ADAM23: variants seen among roughly 807,000 people sequenced by gnomAD.
ADAM23 encodes the protein disintegrin and metalloproteinase domain-containing protein 23.
A neutral mutation model predicts 120.1 loss-of-function variants in ADAM23; 33 were observed. That is an observed-to-expected ratio of 0.27 (90% CI 0.21 to 0.37). ADAM23 has a LOEUF of 0.37. ADAM23 is among the 10% of genes least tolerant of loss of function. The pLI, the probability that ADAM23 is intolerant of heterozygous loss-of-function variation, is 1.00. For synonymous variants in ADAM23, 367 were observed against 375.2 expected (o/e 0.98, Z 0.25); for missense variants, 862 against 1,058.2 (o/e 0.81, Z 2.57).
chr2:206,577,129 A>G (rs1698130492), intron 18 of ADAM23, among the ~76,000 whole-genome samples: 1 of 152,136 alleles, frequency 6.6e-6, no homozygotes. Flanking sequence ...AACATAGTAC[A>G]TTCCCTAATT....
intron 3 of ADAM23, among the ~76,000 whole-genome samples, chr2:206,514,021 A>T (rs1435454965): frequency 6.6e-6 from 1 of 152,212 alleles, no homozygotes; most frequent in African/African-American, 2.4e-5. Context: ...CTGCTCATTG[A>T]CAATGCACCT....
At chr2:206,514,443 T>C (rs369385018) in intron 3 of ADAM23, among the ~76,000 whole-genome samples, 2 of 152,134 alleles carry the variant, frequency 1.3e-5, no homozygotes, top group Admixed American at 1.3e-4. Flanking sequence ...CAACTAGAAG[T>C]GGAGCCCGAA....
chr2:206,620,087 A>G lies in ADAM23; in HGVS notation c.*2460A>G, dbSNP rs1412195303. On this transcript the variant is annotated 3_prime_UTR_variant, in exon 26 of 26. Coordinates refer to ENST00000264377, the MANE Select transcript of ADAM23 (RefSeq NM_003812.4). ...ATACTAAACTGCTGTGAAGTACACC[A>G]TACACATTTCACTAAGATTCCAGAG... 2 of 152,250 alleles carry G rather than the reference A, an allele frequency of 1.3e-5. No individual in the cohort carries two copies. The highest frequency in any genetic ancestry group is 2.4e-5 in the African/African-American group (1 of 41,466). 9.4% of individuals were successfully genotyped at this position (152,250 alleles called of 1,614,324 possible). A position where few individuals can be genotyped will look rare whatever the true frequency, so the allele number is the denominator to read the frequency against.
intron 24 of ADAM23, among the ~76,000 whole-genome samples, chr2:206,606,097 G>A: frequency 6.6e-6 from 1 of 152,220 alleles, no homozygotes; most frequent in Non-Finnish European, 1.5e-5. Flanking sequence ...AACACTGGGT[G>A]TGCTTCCGAT....
rs71409830 is a variant in ADAM23 at position 206,558,921 on chromosome 2, T to TTTTGTTTG, written c.1006-1006_1006-999dup. Among the ~76,000 whole-genome samples the TTTTGTTTG allele has an allele frequency of 1.2e-4, 16 of 134,886 alleles. No homozygotes were observed. The South Asian group carries it at 1.3e-3, about 11-fold the overall frequency. The allele number at this position is 134,886 out of a possible 152,430, so 88.5% of individuals were successfully genotyped here. On this transcript the variant is annotated intron_variant, in intron 10 of 25. Transcript: ENST00000264377. ...GTGTGTTCAAAGATCATCCATTGGT[T>TTTTGTTTG]TTTGTTTGTTTGTTTGTTTGTTTGT...
At chr2:206,519,017 C>T (rs1167978940) in intron 3 of ADAM23, among the ~76,000 whole-genome samples, 4 of 152,182 alleles carry the variant, frequency 2.6e-5, no homozygotes, top group Non-Finnish European at 4.4e-5. Context: ...CTCATATTCA[C>T]TCTTTTAGAC....
At chr2:206,465,715 T>C (rs1277673558) in intron 2 of ADAM23, among the ~76,000 whole-genome samples, 1 of 152,194 alleles carries the variant, frequency 6.6e-6, no homozygotes, top group Non-Finnish European at 1.5e-5. Context: ...TTGTTTTTTA[T>C]TCTTTGGCAC....
chr2:206,450,800 G>T (rs1051159123), intron 2 of ADAM23, among the ~76,000 whole-genome samples: 1 of 152,194 alleles, frequency 6.6e-6, no homozygotes, highest in Non-Finnish European at 1.5e-5. Flanking sequence ...CAGTAAATCA[G>T]ATTTACACAT....
In ADAM23 at chr2:206,588,278, A is replaced by G. The variant is rs944301395; in HGVS notation, c.1852+124A>G. ...GATGTTTTAAAAAAATCTAGAAAGG[A>G]TGAGAATAAAGAGAACTGTGAATCT... is the stretch of plus-strand genomic sequence containing the variant. On this transcript the variant is annotated intron_variant, in intron 20 of 25. Coordinates refer to ENST00000264377, the MANE Select transcript of ADAM23 (RefSeq NM_003812.4). 22 of 1,016,606 alleles carry G rather than the reference A, an allele frequency of 2.2e-5. No individual in the cohort carries two copies. In the African/African-American group the frequency reaches 3.6e-4, roughly 17 times the overall value. The allele number at this position is 1,016,606 out of a possible 1,614,324, so 63.0% of individuals were successfully genotyped here. A position where few individuals can be genotyped will look rare whatever the true frequency, so the allele number is the denominator to read the frequency against.
intron 3 of ADAM23, among the ~76,000 whole-genome samples, chr2:206,501,393 C>T (rs1206161691): frequency 6.6e-6 from 1 of 151,702 alleles, no homozygotes; most frequent in African/African-American, 2.4e-5. Context: ...TCAATTTTTG[C>T]ACTTAAAGCA....
rs115015803 is a variant in ADAM23 at position 206,480,438 on chromosome 2, T to C, written c.433-794T>C. On this transcript the variant is annotated intron_variant, in intron 2 of 25. Transcript: ENST00000264377. ...GTTAGTGAGTCAAGGAAGTACAGTG[T>C]AGGTGTTTCATTTAGCCTTGTTCTT... is the stretch of plus-strand genomic sequence containing the variant. Among the ~76,000 whole-genome samples the C allele has an allele frequency of 9.0e-3, 1,372 of 151,900 alleles. 19 individuals are homozygous for C. The highest frequency in any genetic ancestry group is 0.031 in the African/African-American group (1,289 of 41,430).
chr2:206,584,726 T>C (rs1182913498), intron 18 of ADAM23, among the ~76,000 whole-genome samples: 6 of 152,136 alleles, frequency 3.9e-5, no homozygotes, highest in Non-Finnish European at 8.8e-5. Flanking sequence ...GCACACCCGA[T>C]TGGTGCCCTC....
intron 2 of ADAM23, among the ~76,000 whole-genome samples, chr2:206,456,153 A>T (rs1348966015): frequency 6.6e-6 from 1 of 152,168 alleles, no homozygotes; most frequent in Admixed American, 6.5e-5. Context: ...CGTAAGCTAT[A>T]CAGGAAGTAT....
chr2:206,505,598 A>G (rs1696481293), intron 3 of ADAM23, among the ~76,000 whole-genome samples: 1 of 152,124 alleles, frequency 6.6e-6, no homozygotes, highest in African/African-American at 2.4e-5. Flanking sequence ...GGTTCCACAC[A>G]CTTTTAAACA....
intron 13 of ADAM23, among the ~76,000 whole-genome samples, chr2:206,563,648 T>TA (rs1354719532): frequency 6.6e-6 from 1 of 152,152 alleles, no homozygotes. Flanking sequence ...TGAGAGGTGT[T>TA]ACTGAGTTGC....
chr2:206,540,066 C>G (rs1697258660), intron 4 of ADAM23, among the ~76,000 whole-genome samples: 1 of 152,068 alleles, frequency 6.6e-6, no homozygotes, highest in Non-Finnish European at 1.5e-5. Flanking sequence ...CCTGTAATCC[C>G]AGCTACTCAG....
rs976428358 is a variant in ADAM23, at chr2:206,594,653, G to T, written c.2079-84G>T. On this transcript the variant is annotated intron_variant, in intron 22 of 25. Transcript: ENST00000264377. ...ATCCACATCCACTGACAGCCTCTTC[G>T]GTTTTGTGAAGAGCAAGCCTCATTC... 2.0e-5 allele frequency: 30 copies of T among 1,502,270 alleles called. No individual in the cohort carries two copies. In the Admixed American group the frequency reaches 2.5e-4, roughly 13 times the overall value. 93.1% of individuals were successfully genotyped at this position (1,502,270 alleles called of 1,614,324 possible).
intron 6 of ADAM23, among the ~76,000 whole-genome samples, chr2:206,545,619 A>C (rs1484370127): frequency 1.3e-5 from 2 of 152,204 alleles, no homozygotes; most frequent in Non-Finnish European, 2.9e-5. Context: ...GGTAAATTTC[A>C]AAGTTGATGC....
intron 3 of ADAM23, among the ~76,000 whole-genome samples, chr2:206,502,028 C>T (rs1055667407): frequency 1.3e-5 from 2 of 152,072 alleles, no homozygotes; most frequent in African/African-American, 4.8e-5. Context: ...TAATTTGTAT[C>T]TGGTTGCATT....
Sources: gnomAD v4.1 joint callset for allele counts (sites outside exome capture counted in the v4.1 genomes callset) on GRCh38, gnomAD v4.1.1 for gene constraint, MANE v1.5 for transcripts, NCBI Gene and HGNC (gene_info 2026-07-23, HGNC 2026-07-21) for gene names.